SDK1: variants seen among roughly 807,000 people sequenced by gnomAD.
SDK1 encodes the protein sidekick cell adhesion molecule 1.
Under a neutral mutation model 245.5 loss-of-function variants are expected in SDK1, and 157 were observed. That is an observed-to-expected ratio of 0.64 (90% confidence interval 0.56 to 0.73). The LOEUF is 0.73. Ranked by LOEUF, SDK1 falls within the 30% of genes least tolerant of loss-of-function variation. The probability of loss-of-function intolerance (pLI) is 0.00; values close to 1 mark genes in which losing one functional copy is unlikely to be tolerated. For missense variants in SDK1, 3,583 were observed against 3,002.3 expected (o/e 1.19, Z -4.52); for synonymous variants, 1,647 against 1,278.5 (o/e 1.29, Z -6.15).
At chr7:3,835,924 C>G (rs1780020337) in intron 5 of SDK1, among the ~76,000 whole-genome samples, 1 of 152,214 alleles carries the variant, frequency 6.6e-6, no homozygotes, top group African/African-American at 2.4e-5. Flanking sequence ...GATAAAGACA[C>G]AGTAAGGTCA....
At chr7:3,619,768 G>T (rs1781877563) in intron 2 of SDK1, among the ~76,000 whole-genome samples, 1 of 152,182 alleles carries the variant, frequency 6.6e-6, no homozygotes, top group South Asian at 2.1e-4. Flanking sequence ...CCTGCCATGT[G>T]CCCAGCACTG....
chr7:3,435,164 ATTT>A (rs67660025), intron 1 of SDK1, among the ~76,000 whole-genome samples: 3 of 146,836 alleles, frequency 2.0e-5, no homozygotes, highest in South Asian at 4.2e-4. Context: ...AAGTCTCTGT[ATTT>A]TTTTTTTTGA....
intron 1 of SDK1, among the ~76,000 whole-genome samples, chr7:3,563,818 C>T (rs1320783021): frequency 1.3e-5 from 2 of 151,968 alleles, no homozygotes; most frequent in Non-Finnish European, 2.9e-5. Flanking sequence ...GCCTCAATTT[C>T]CCAGGAATGA....
At chr7:3,967,566 T>A (rs138102970) in intron 10 of SDK1, 132 bp downstream of exon 10, 10 of 655,756 alleles carry the variant, frequency 1.5e-5, no homozygotes, top group Middle Eastern at 4.2e-4. Context: ...ATAACTCTTA[T>A]TGCAGCAGTC....
chr7:3,858,866 C>CTTTTTTTTT (rs11464569), intron 5 of SDK1, among the ~76,000 whole-genome samples: 3 of 131,364 alleles, frequency 2.3e-5, no homozygotes, highest in Non-Finnish European at 3.2e-5. Flanking sequence ...TTTCTTTTTT[C>CTTTTTTTTT]TTTTTTTTTT....
chr7:3,816,083 T>C (rs28848830), intron 4 of SDK1, among the ~76,000 whole-genome samples: 13 of 137,284 alleles, frequency 9.5e-5, no homozygotes, highest in African/African-American at 3.2e-4. Flanking sequence ...ATCTCTGGGA[T>C]GCATTCAAAG....
chr7:3,569,480 T>C (rs980630663), intron 1 of SDK1, among the ~76,000 whole-genome samples: 2 of 152,240 alleles, frequency 1.3e-5, no homozygotes, highest in African/African-American at 4.8e-5. Context: ...AGCACTGTGA[T>C]TGAATGAGCC....
At chr7:4,168,079 C>T (rs1584351077) in intron 32 of SDK1, among the ~76,000 whole-genome samples, 1 of 152,238 alleles carries the variant, frequency 6.6e-6, no homozygotes, top group East Asian at 1.9e-4. Context: ...GAACCCTGTG[C>T]AGGCAGGCCC....
chr7:3,414,569 CT>C (rs1046320690), intron 1 of SDK1, among the ~76,000 whole-genome samples: 9 of 151,970 alleles, frequency 5.9e-5, no homozygotes, highest in African/African-American at 2.2e-4. Context: ...AAAGTAATAC[CT>C]TATGTTTTTG....
chr7:4,129,884 C>T (rs767456141), intron 26 of SDK1, 24 bp from the exon 27 acceptor site: 36 of 1,612,396 alleles, frequency 2.2e-5, no homozygotes, highest in Non-Finnish European at 3.1e-5. Flanking sequence ...TCCTGATAAC[C>T]CTCGTGCTGT....
At chr7:3,724,311 A>T (rs1290279060) in intron 4 of SDK1, among the ~76,000 whole-genome samples, 1 of 151,992 alleles carries the variant, frequency 6.6e-6, no homozygotes, top group African/African-American at 2.4e-5. Context: ...AGGAGCTCAC[A>T]CCTGTAATCC....
chr7:3,856,481 T>TAAAA (rs34024559), intron 5 of SDK1, among the ~76,000 whole-genome samples: 2 of 119,200 alleles, frequency 1.7e-5, no homozygotes, highest in African/African-American at 3.2e-5. Flanking sequence ...CAGGTAATGT[T>TAAAA]AAAAAAAAAA....
chr7:3,417,099 A>AG (rs1779388015), intron 1 of SDK1, among the ~76,000 whole-genome samples: 1 of 152,104 alleles, frequency 6.6e-6, no homozygotes. Context: ...CCCTGAACCC[A>AG]GGAGGTGGAG....
rs1562397733 is a variant in SDK1 at position 3,723,935 on chromosome 7, TATATATATAG to T, written c.713+81832_713+81841del. Reference sequence around the variant, plus strand: ...ATATATATATACACGTATATATATATATATATATAGAGAGAGAGAGAGAGAGAGAGAGAGA... The same window carrying T: ...ATATATATATACACGTATATATATATAGAGAGAGAGAGAGAGAGAGAGAGA... On this transcript the variant is annotated intron_variant, in intron 4 of 44. Transcript: ENST00000404826. Among the ~76,000 whole-genome samples the T allele has an allele frequency of 7.2e-4, 87 of 120,316 alleles. 3 individuals carry two copies. Among genetic ancestry groups the T allele is most frequent in the South Asian group, 1.1e-3 (4 of 3,556 alleles). 78.9% of individuals were successfully genotyped at this position (120,316 alleles called of 152,430 possible). A position where few individuals can be genotyped will look rare whatever the true frequency, so the allele number is the denominator to read the frequency against.
intron 1 of SDK1, among the ~76,000 whole-genome samples, chr7:3,466,979 T>TCTAC (rs1554275624): frequency 5.0e-4 from 64 of 127,588 alleles, no homozygotes; most frequent in South Asian, 1.2e-3. Context: ...TCTCTCTCTC[T>TCTAC]ACACACACAC....
At chr7:3,481,057 A>G (rs1367047918) in intron 1 of SDK1, among the ~76,000 whole-genome samples, 1 of 152,228 alleles carries the variant, frequency 6.6e-6, no homozygotes, top group Non-Finnish European at 1.5e-5. Context: ...AGAATTTCAA[A>G]GAGTTATACT....
intron 4 of SDK1, among the ~76,000 whole-genome samples, chr7:3,742,383 C>T (rs921969886): frequency 2.0e-5 from 3 of 152,078 alleles, no homozygotes; most frequent in Non-Finnish European, 2.9e-5. Context: ...CGTGTTCCTC[C>T]CAGCTCTACT....
At chr7:3,867,987 A>C (rs1780863094) in intron 5 of SDK1, among the ~76,000 whole-genome samples, 1 of 152,130 alleles carries the variant, frequency 6.6e-6, no homozygotes, top group Non-Finnish European at 1.5e-5. Context: ...CAGATTGTGT[A>C]AAACTTCTCG....
intron 1 of SDK1, among the ~76,000 whole-genome samples, chr7:3,327,667 C>A (rs1478396887): frequency 6.6e-6 from 1 of 152,076 alleles, no homozygotes; most frequent in Non-Finnish European, 1.5e-5. Flanking sequence ...AAAAAAAAAT[C>A]CTGACAGCAG....
Sources: gnomAD v4.1 joint callset for allele counts (sites outside exome capture counted in the v4.1 genomes callset) on GRCh38, gnomAD v4.1.1 for gene constraint, MANE v1.5 for transcripts, NCBI Gene and HGNC (gene_info 2026-07-23, HGNC 2026-07-21) for gene names.